The following ST18 variants were observed in gnomAD, a reference collection of about 807,000 sequenced individuals.
ST18 encodes the protein ST18 C2H2C-type zinc finger transcription factor.
ST18 carries 50 observed loss-of-function variants against 110.0 expected under a neutral mutation model. The observed-to-expected ratio is 0.45, with a 90% CI of 0.36 to 0.58. The LOEUF (loss-of-function observed/expected upper bound fraction) is 0.58. Among genes scored for constraint, ST18 ranks in the 20% least tolerant of loss-of-function variants. The pLI, the probability that ST18 is intolerant of heterozygous loss-of-function variation, is 0.00. For missense variants in ST18, 1,306 were observed against 1,280.1 expected, an observed-to-expected ratio of 1.02 and a Z score of -0.31; for synonymous variants, 461 against 452.4, an observed-to-expected ratio of 1.02 and a Z score of -0.24.
intron 2 of ST18, among the ~76,000 whole-genome samples, chr8:52,357,730 T>TATATATATATATAA (rs1564569022): frequency 1.2e-5 from 1 of 86,822 alleles, no homozygotes; most frequent in Non-Finnish European, 2.5e-5. Flanking sequence ...TATATATATA[T>TATATATATATATAA]AAAACAGACT....
intron 2 of ST18, among the ~76,000 whole-genome samples, chr8:52,252,928 A>C (rs2094385690): frequency 6.6e-6 from 1 of 152,020 alleles, no homozygotes; most frequent in Admixed American, 6.6e-5. Context: ...GCCTAATTTT[A>C]GTCTTACTTT....
chr8:52,279,082 AAGAC>A lies in ST18; in HGVS notation c.-464-49009_-464-49006del, dbSNP rs1308915050. 3.3e-5 allele frequency among the ~76,000 whole-genome samples: 5 copies of A among 152,190 alleles called. No individual in the cohort carries two copies. The East Asian group carries it at 9.6e-4, about 29-fold the overall frequency. On this transcript the variant is annotated intron_variant, in intron 2 of 25. Transcript: ENST00000689386. ...AGTGAGGGACAGTAAACAGAAGAAA[AAGAC>A]AGCAGTGTCGGACCCATAAAGACTG...
At chr8:52,347,520 A>T (rs1383746453) in intron 2 of ST18, among the ~76,000 whole-genome samples, 1 of 152,184 alleles carries the variant, frequency 6.6e-6, no homozygotes, top group Non-Finnish European at 1.5e-5. Flanking sequence ...TATATCAAAC[A>T]TTGGGATGAA....
chr8:52,136,444 C>G (rs1287647432), intron 19 of ST18, 146 bp downstream of exon 19: 1 of 711,990 alleles, frequency 1.4e-6, no homozygotes, highest in African/African-American at 1.8e-5. Context: ...GTCATCCCAG[C>G]GCTTTAGTCA....
chr8:52,233,269 G>T (rs1423258090), intron 2 of ST18, among the ~76,000 whole-genome samples: 1 of 152,092 alleles, frequency 6.6e-6, no homozygotes, highest in Admixed American at 6.6e-5. Flanking sequence ...GGGGTGTATG[G>T]TGAATGCCAC....
chr8:52,163,872 T>A, intron 13 of ST18, 114 bp downstream of exon 13: 1 of 724,286 alleles, frequency 1.4e-6, no homozygotes, highest in South Asian at 1.8e-5. Flanking sequence ...CCAGGTCTAC[T>A]GGGGCTGAGA....
At chr8:52,205,629 G>A (rs532632818) in intron 8 of ST18, among the ~76,000 whole-genome samples, 7 of 152,208 alleles carry the variant, frequency 4.6e-5, no homozygotes, top group South Asian at 2.1e-4. Context: ...GTGCAGTGGT[G>A]TAATCTAGGC....
intron 8 of ST18, among the ~76,000 whole-genome samples, chr8:52,208,865 G>A (rs2081131757): frequency 6.6e-6 from 1 of 152,048 alleles, no homozygotes; most frequent in South Asian, 2.1e-4. Flanking sequence ...AACAACTTGG[G>A]ACCTTGCCTG....
At chr8:52,134,214 G>A (rs2051028655) in intron 19 of ST18, among the ~76,000 whole-genome samples, 2 of 152,130 alleles carry the variant, frequency 1.3e-5, no homozygotes, top group Admixed American at 1.3e-4. Flanking sequence ...AAGTCAAACA[G>A]TCTTTGGGGG....
At chr8:52,188,815 T>C (rs977994510) in intron 8 of ST18, among the ~76,000 whole-genome samples, 9 of 152,124 alleles carry the variant, frequency 5.9e-5, no homozygotes, top group African/African-American at 1.9e-4. Context: ...AGATGATGGA[T>C]GTAAAAGAGA....
intron 22 of ST18, 104 bp from the exon 23 acceptor site, chr8:52,126,244 A>T (rs2047021121): frequency 9.1e-7 from 1 of 1,102,604 alleles, no homozygotes; most frequent in Non-Finnish European, 1.3e-6. Flanking sequence ...GCTGCCGATT[A>T]ATTACATTAT....
chr8:52,223,191 A>C (rs2136465556), intron 3 of ST18, among the ~76,000 whole-genome samples: 1 of 152,332 alleles, frequency 6.6e-6, no homozygotes, highest in Admixed American at 6.5e-5. Context: ...TGAGAAAGAC[A>C]GTTCTTTAAA....
At chr8:52,321,782 T>A (rs1327054442) in intron 2 of ST18, among the ~76,000 whole-genome samples, 3 of 152,198 alleles carry the variant, frequency 2.0e-5, no homozygotes. Flanking sequence ...GTATGTTTTT[T>A]AAAATTCCTT....
At chr8:52,295,710 CTTTTTTT>C (rs371927202) in intron 2 of ST18, among the ~76,000 whole-genome samples, 49 of 130,828 alleles carry the variant, frequency 3.7e-4, no homozygotes, top group African/African-American at 1.3e-3. Context: ...TCTTTTTTTC[CTTTTTTT>C]TTTTTTTTTT....
At chr8:52,387,267 T>G (rs944882940) in intron 2 of ST18, among the ~76,000 whole-genome samples, 1 of 152,180 alleles carries the variant, frequency 6.6e-6, no homozygotes, top group Non-Finnish European at 1.5e-5. Flanking sequence ...CTTGGCCAAG[T>G]TATCTTCAGC....
chr8:52,185,838 C>T (rs1267262289), intron 8 of ST18, among the ~76,000 whole-genome samples: 2 of 152,162 alleles, frequency 1.3e-5, no homozygotes, highest in Non-Finnish European at 2.9e-5. Flanking sequence ...ATATTACCTT[C>T]AAAATGTGAG....
chr8:52,167,953 A>G (rs1231220781), intron 10 of ST18, among the ~76,000 whole-genome samples: 1 of 151,932 alleles, frequency 6.6e-6, no homozygotes, highest in Non-Finnish European at 1.5e-5. Context: ...ATAAATGAGG[A>G]CCAAACATGA....
At chr8:52,359,564 C>A (rs1003639434) in intron 2 of ST18, among the ~76,000 whole-genome samples, 2 of 152,076 alleles carry the variant, frequency 1.3e-5, no homozygotes, top group Non-Finnish European at 2.9e-5. Context: ...ACGAACTCAT[C>A]AGAACTTTCC....
intron 2 of ST18, among the ~76,000 whole-genome samples, chr8:52,303,472 G>A (rs998270785): frequency 3.3e-5 from 5 of 152,192 alleles, no homozygotes; most frequent in South Asian, 2.1e-4. Context: ...AGGTATGTGC[G>A]TGTGACCACA....
Sources: allele counts gnomAD v4.1 joint callset (sites outside exome capture counted in the v4.1 genomes callset), GRCh38; gene constraint gnomAD v4.1.1; transcripts MANE v1.5; gene names NCBI Gene and HGNC (gene_info 2026-07-23, HGNC 2026-07-21).